The following AKT3 variants were observed in gnomAD, a reference collection of about 807,000 sequenced individuals.
The protein encoded by AKT3 is RAC-gamma serine/threonine-protein kinase.
A neutral mutation model predicts 65.3 loss-of-function variants in AKT3; 15 were observed. The ratio of observed to expected loss-of-function variants is 0.23; its 90% CI spans 0.15 to 0.35. The LOEUF (loss-of-function observed/expected upper bound fraction) is 0.35, where lower values mean the gene tolerates loss of function less well. AKT3 is among the 10% of genes least tolerant of loss of function. The probability of loss-of-function intolerance (pLI) is 1.00; values close to 1 mark genes in which losing one functional copy is unlikely to be tolerated. For missense variants in AKT3, 243 were observed against 576.5 expected (o/e 0.42, Z 5.92); for synonymous variants, 206 against 183.8 (o/e 1.12, Z -0.98).
At chr1:243,533,018 A>G (rs1326860412) in intron 12 of AKT3, among the ~76,000 whole-genome samples, 2 of 151,960 alleles carry the variant, frequency 1.3e-5, no homozygotes, top group Non-Finnish European at 2.9e-5. Context: ...CTGATTCAGT[A>G]TTTCATTTTT....
chr1:243,651,340 C>G (rs1558685239), intron 4 of AKT3, among the ~76,000 whole-genome samples: 3 of 152,256 alleles, frequency 2.0e-5, no homozygotes, highest in East Asian at 3.9e-4. Flanking sequence ...CATCTGCAAA[C>G]AGAGACAATT....
intron 8 of AKT3, among the ~76,000 whole-genome samples, chr1:243,590,007 T>C (rs1014417433): frequency 6.6e-6 from 1 of 152,280 alleles, no homozygotes; most frequent in Non-Finnish European, 1.5e-5. Flanking sequence ...ACAAATACTG[T>C]ATGATCCACT....
intron 13 of AKT3, among the ~76,000 whole-genome samples, chr1:243,505,845 A>C (rs1431655987): frequency 6.6e-6 from 1 of 152,236 alleles, no homozygotes. Context: ...CACCTTTCCC[A>C]ATTTCCCTAT....
At chr1:243,499,198 G>C (rs183662568), downstream of AKT3, among the ~76,000 whole-genome samples, 7 of 152,304 alleles carry the variant, frequency 4.6e-5, no homozygotes, top group Admixed American at 2.6e-4. Context: ...GTAAAACTAA[G>C]AGACCTCAGT....
chr1:243,557,070 C>T (rs977707443), intron 10 of AKT3, among the ~76,000 whole-genome samples: 1 of 152,170 alleles, frequency 6.6e-6, no homozygotes, highest in East Asian at 1.9e-4. Flanking sequence ...CAGTTAACAT[C>T]GTACTTTCAA....
intron 8 of AKT3, among the ~76,000 whole-genome samples, chr1:243,609,266 T>C (rs1044257165): frequency 4.0e-5 from 6 of 151,606 alleles, no homozygotes; most frequent in African/African-American, 1.5e-4. Flanking sequence ...AAAAAAAAAA[T>C]TGTGAGGTTA....
At chr1:243,528,962 CTG>C (rs2148407979) in intron 12 of AKT3, among the ~76,000 whole-genome samples, 1 of 152,076 alleles carries the variant, frequency 6.6e-6, no homozygotes, top group South Asian at 2.1e-4. Flanking sequence ...TTGCTAGCAT[CTG>C]TTATTTTTTG....
chr1:243,589,062 C>T (rs1277595133), intron 8 of AKT3, among the ~76,000 whole-genome samples: 4 of 152,004 alleles, frequency 2.6e-5, no homozygotes. Context: ...AATCCCAGCA[C>T]TTTGAGAGGC....
chr1:243,767,991 T>G (rs1689937171), intron 2 of AKT3, among the ~76,000 whole-genome samples: 2 of 151,790 alleles, frequency 1.3e-5, no homozygotes, highest in Non-Finnish European at 2.9e-5. Flanking sequence ...ATAAAATATA[T>G]AGAGAGGGGG....
At chr1:243,634,906 G>C (rs320330) in intron 6 of AKT3, among the ~76,000 whole-genome samples, 1 of 151,690 alleles carries the variant, frequency 6.6e-6, no homozygotes, top group Non-Finnish European at 1.5e-5. Flanking sequence ...CAGAAAGAAA[G>C]AAGTAAGGCA....
chr1:243,766,939 A>G (rs1424708724), intron 2 of AKT3, among the ~76,000 whole-genome samples: 3 of 152,200 alleles, frequency 2.0e-5, no homozygotes, highest in African/African-American at 4.8e-5. Context: ...AGATAATCTC[A>G]GTTTTTAAAA....
At chr1:243,539,035 A>G (rs1442719978) in intron 12 of AKT3, among the ~76,000 whole-genome samples, 1 of 152,190 alleles carries the variant, frequency 6.6e-6, no homozygotes, top group African/African-American at 2.4e-5. Context: ...GTAAGAATAT[A>G]GAAGACATAA....
chr1:243,725,951 C>T (rs1379502929), intron 2 of AKT3, among the ~76,000 whole-genome samples: 2 of 152,184 alleles, frequency 1.3e-5, no homozygotes, highest in Non-Finnish European at 2.9e-5. Context: ...TCTGGCACTT[C>T]GTAGAAGACT....
At chr1:243,686,441 G>A (rs1418034730) in intron 3 of AKT3, among the ~76,000 whole-genome samples, 2 of 151,438 alleles carry the variant, frequency 1.3e-5, no homozygotes, top group Non-Finnish European at 2.9e-5. Context: ...GCAACAGACT[G>A]TTGTAAGCAA....
intron 8 of AKT3, among the ~76,000 whole-genome samples, chr1:243,575,528 A>C (rs1321124283): frequency 6.6e-6 from 1 of 152,308 alleles, no homozygotes; most frequent in East Asian, 1.9e-4. Context: ...TGGTTTAAAC[A>C]AAAGACAATT....
intron 9 of AKT3, among the ~76,000 whole-genome samples, chr1:243,571,772 G>C (rs1489305826): frequency 1.3e-5 from 2 of 152,128 alleles, no homozygotes; most frequent in Non-Finnish European, 2.9e-5. Flanking sequence ...CACATTCCTA[G>C]TTATAAAAAG....
At chr1:243,539,545 T>G (rs1332969131) in intron 12 of AKT3, among the ~76,000 whole-genome samples, 2 of 152,160 alleles carry the variant, frequency 1.3e-5, no homozygotes, top group Non-Finnish European at 2.9e-5. Flanking sequence ...TATAGATTCT[T>G]TCAAGTGTAT....
intron 2 of AKT3, among the ~76,000 whole-genome samples, chr1:243,772,227 G>T (rs1277046348): frequency 6.6e-6 from 1 of 151,992 alleles, no homozygotes; most frequent in East Asian, 1.9e-4. Context: ...CACAGCAAAA[G>T]AAACTACCAT....
chr1:243,778,226 G>GA (rs1047228794), intron 2 of AKT3, among the ~76,000 whole-genome samples: 2 of 151,896 alleles, frequency 1.3e-5, no homozygotes, highest in African/African-American at 4.8e-5. Context: ...GGAATACAGT[G>GA]AAAAAAATAC....
Sources: gnomAD v4.1 joint callset for allele counts (sites outside exome capture counted in the v4.1 genomes callset) on GRCh38, gnomAD v4.1.1 for gene constraint, MANE v1.5 for transcripts, NCBI Gene and HGNC (gene_info 2026-07-23, HGNC 2026-07-21) for gene names.